Variants in POLR1E observed in about 807,000 individuals in gnomAD.
POLR1E encodes the protein DNA-directed RNA polymerase I subunit RPA49.
Under a neutral mutation model 50.9 loss-of-function variants are expected in POLR1E, and 37 were observed. The ratio of observed to expected loss-of-function variants is 0.73; its 90% CI spans 0.56 to 0.96. The LOEUF is 0.96. Ranked by LOEUF, POLR1E falls within the 40% of genes least tolerant of loss-of-function variation. The probability of loss-of-function intolerance (pLI) is 0.00; values close to 1 mark genes in which losing one functional copy is unlikely to be tolerated. For synonymous variants in POLR1E, 166 were observed against 191.6 expected (o/e 0.87, Z 1.10); for missense variants, 426 against 518.1 (o/e 0.82, Z 1.73).
Position 37,496,611 on chromosome 9 carries a change from T to C in POLR1E, c.752+625T>C, listed in dbSNP as rs943933793. Reference sequence around the variant, plus strand: ...ATTGAAATCCAGTGCCTTGGAATTATTATTATTATTTCTTTTTTTTTTTTT... The same window carrying C: ...ATTGAAATCCAGTGCCTTGGAATTACTATTATTATTTCTTTTTTTTTTTTT... On this transcript the variant is annotated intron_variant, in intron 8 of 11. Coordinates refer to ENST00000377798, the MANE Select transcript of POLR1E (RefSeq NM_022490.4). Among the ~76,000 whole-genome samples, 14 of 84,654 alleles carry C rather than the reference T, an allele frequency of 1.7e-4. No individual in the cohort carries two copies. In the Admixed American group the frequency reaches 1.7e-3, roughly 11 times the overall value. The allele number at this position is 84,654 out of a possible 152,430, so 55.5% of individuals were successfully genotyped here. A position where few individuals can be genotyped will look rare whatever the true frequency, so the allele number is the denominator to read the frequency against.
chr9:37,492,444 G>A (rs968097302), intron 4 of POLR1E: 8 of 824,292 alleles, frequency 9.7e-6, no homozygotes, highest in South Asian at 1.5e-5. Context: ...CTGGATGACC[G>A]CTTGATTTGG....
In POLR1E at chr9:37,503,394, T is replaced by G; in HGVS notation, c.*192T>G. On this transcript the variant is annotated 3_prime_UTR_variant, in exon 12 of 12. Transcript: ENST00000377798. ...GAGTTTGAAACCAGTCTGGACAACA[T>G]AGGGAGACCCCATCTCTACCGGAGG... 3.8e-6 allele frequency: 2 copies of G among 528,226 alleles called. No individual in the cohort carries two copies. Among genetic ancestry groups the G allele is most frequent in the Middle Eastern group, 5.3e-4 (1 of 1,872 alleles). The allele number at this position is 528,226 out of a possible 1,614,324, so 32.7% of individuals were successfully genotyped here.
chr9:37,502,786 G>A (rs774153766), intron 11 of POLR1E, among the ~76,000 whole-genome samples: 3 of 152,160 alleles, frequency 2.0e-5, no homozygotes, highest in Non-Finnish European at 1.5e-5. Context: ...AGTTGCTCAC[G>A]GGGCTGTAGA....
At chr9:37,487,291 G>C (rs980849033) in intron 2 of POLR1E, among the ~76,000 whole-genome samples, 1 of 152,222 alleles carries the variant, frequency 6.6e-6, no homozygotes, top group South Asian at 2.1e-4. Flanking sequence ...ACGTGGGGAA[G>C]AGTACAGGGC....
intron 6 of POLR1E, among the ~76,000 whole-genome samples, chr9:37,494,801 T>A (rs1008658893): frequency 6.6e-6 from 1 of 152,222 alleles, no homozygotes; most frequent in African/African-American, 2.4e-5. Context: ...CCACCTACAA[T>A]GTGTGGCAAG....
At chr9:37,490,337 C>CT in intron 4 of POLR1E, 1 of 495,810 alleles carries the variant, frequency 2.0e-6, no homozygotes, top group East Asian at 3.5e-5. Flanking sequence ...TTAAATATTT[C>CT]TTTGGGGGAG....
At position 37,495,248 on chromosome 9, in the gene POLR1E, G is replaced by A; in HGVS notation, c.627G>A (p.Lys209=). The A allele has an allele frequency of 6.2e-7, 1 of 1,614,000 alleles. No homozygotes were observed. The highest frequency in any genetic ancestry group is 8.5e-7 in the Non-Finnish European group (1 of 1,179,908). Residue 209 remains lysine (K), a synonymous_variant, in exon 7 of 12, where the codon AAG becomes AAA. Coordinates refer to ENST00000377798, the MANE Select transcript of POLR1E (RefSeq NM_022490.4). Reference sequence around the variant, plus strand: ...CTCCCTGCTATGATGATGCAGCCAAGCCTGAAGACGTGTATAAATTTGAAG... The same window carrying A: ...CTCCCTGCTATGATGATGCAGCCAAACCTGAAGACGTGTATAAATTTGAAG... ...YLPPCYDDAA[K]PEDVYKFEDL... is the part of the protein sequence containing the mutation.
intron 4 of POLR1E, among the ~76,000 whole-genome samples, chr9:37,491,364 C>T (rs1436313216): frequency 6.6e-6 from 1 of 152,154 alleles, no homozygotes; most frequent in East Asian, 1.9e-4. Context: ...GCTTCCATCC[C>T]TTTTGAGAAT....
At chr9:37,497,035 A>G (rs1820798108) in intron 8 of POLR1E, among the ~76,000 whole-genome samples, 1 of 152,166 alleles carries the variant, frequency 6.6e-6, no homozygotes, top group South Asian at 2.1e-4. Context: ...CAATTTATAG[A>G]TGGAGAAACC....
intron 4 of POLR1E, chr9:37,490,784 C>A (rs1463066080): frequency 1.3e-5 from 8 of 626,414 alleles, no homozygotes; most frequent in Non-Finnish European, 3.0e-6. Flanking sequence ...TACGATATCA[C>A]CTTTCTTATA....
At position 37,500,922 on chromosome 9, in the gene POLR1E, G is replaced by C. The variant is rs370427053; in HGVS notation, c.968+1G>C. The C allele has an allele frequency of 6.2e-7, 1 of 1,611,744 alleles. No individual in the cohort carries two copies. The highest frequency in any genetic ancestry group is 8.5e-7 in the Non-Finnish European group (1 of 1,178,196). On this transcript the variant is annotated splice_donor_variant, in intron 10 of 11. Coordinates refer to ENST00000377798, the MANE Select transcript of POLR1E (RefSeq NM_022490.4). LOFTEE classifies it high-confidence loss of function. ...CTTGCTTGACCTACAACAATGGCAG[G>C]TCAGGGGGTGGTTGCTGGGATTTTT...
chr9:37,496,551 G>T (rs1820787838), intron 8 of POLR1E, among the ~76,000 whole-genome samples: 1 of 144,498 alleles, frequency 6.9e-6, no homozygotes, highest in African/African-American at 2.6e-5. Context: ...TCTGAGGTTT[G>T]TTCCTCCAGT....
chr9:37,502,981 A>G, intron 11 of POLR1E, 62 bp from the exon 12 acceptor site: 1 of 1,487,030 alleles, frequency 6.7e-7, no homozygotes, highest in Non-Finnish European at 9.0e-7. Flanking sequence ...ACCTTTTGCC[A>G]AACCTCCCTG....
chr9:37,496,826 C>T (rs890952452), intron 8 of POLR1E, among the ~76,000 whole-genome samples: 2 of 152,096 alleles, frequency 1.3e-5, no homozygotes, highest in South Asian at 2.1e-4. Context: ...AATGAGGCAT[C>T]TATGAGATGA....
At position 37,492,668 on chromosome 9, in the gene POLR1E, G is replaced by A. The variant is rs150967094; in HGVS notation, c.355G>A (p.Glu119Lys). The A allele has an allele frequency of 4.3e-6, 7 of 1,614,016 alleles. No individual in the cohort carries two copies. The East Asian group carries it at 1.1e-4, about 26-fold the overall frequency. ...GTGTGTTTTGATAGATGTATCAGTTGAGAGTGAACTGGCGCTAGAGAGTCA... is the reference window on the plus strand; with the variant it reads ...GTGTGTTTTGATAGATGTATCAGTTAAGAGTGAACTGGCGCTAGAGAGTCA... Reference protein sequence around the residue: ...MQPLFSDVSVESELALESQTK... With the variant: ...MQPLFSDVSVKSELALESQTK... The change falls in exon 5 of 12, where the codon GAG becomes AAG. Residue 119 changes from glutamate (E) to lysine (K), a missense_variant. Transcript: ENST00000377798.
rs1351030201 is a variant in POLR1E at position 37,503,452 on chromosome 9, C to T, written c.*250C>T. On this transcript the variant is annotated 3_prime_UTR_variant, in exon 12 of 12. Transcript: ENST00000377798. ...AAAGAGTCAGGCCTGGTGGTGTGCGCCTGTAATCCCAGCTACTCGGGAGGC... is the reference window on the plus strand; with the variant it reads ...AAAGAGTCAGGCCTGGTGGTGTGCGTCTGTAATCCCAGCTACTCGGGAGGC... The T allele has an allele frequency of 3.2e-6, 1 of 313,398 alleles. No individual in the cohort carries two copies. Among genetic ancestry groups the T allele is most frequent in the African/African-American group, 2.1e-5 (1 of 46,804 alleles). The allele number at this position is 313,398 out of a possible 1,614,324, so 19.4% of individuals were successfully genotyped here.
chr9:37,492,436 G>C, intron 4 of POLR1E: 2 of 904,270 alleles, frequency 2.2e-6, no homozygotes, highest in Non-Finnish European at 3.3e-6. Context: ...AGGTTGGGCT[G>C]GATGACCGCT....
At chr9:37,486,484 C>A (rs770824845) in intron 1 of POLR1E, 12 of 1,552,152 alleles carry the variant, frequency 7.7e-6, no homozygotes, top group Non-Finnish European at 1.0e-5. Flanking sequence ...CGAGACATTC[C>A]CTCCTGTCAC....
chr9:37,497,353 TCAAACAAACAAA>T (rs113786057), intron 8 of POLR1E, among the ~76,000 whole-genome samples: 33 of 152,074 alleles, frequency 2.2e-4, no homozygotes, highest in African/African-American at 7.7e-4. Flanking sequence ...AGACTCAGTC[TCAAACAAACAAA>T]CAAACAAACA....
Sources: allele counts gnomAD v4.1 joint callset (sites outside exome capture counted in the v4.1 genomes callset), GRCh38; gene constraint gnomAD v4.1.1; transcripts MANE v1.5; gene names NCBI Gene and HGNC (gene_info 2026-07-23, HGNC 2026-07-21).